The following NKAIN2 variants were observed in gnomAD, a reference collection of about 807,000 sequenced individuals.
NKAIN2 encodes the protein sodium/potassium-transporting ATPase subunit beta-1-interacting protein 2.
A neutral mutation model predicts 32.6 loss-of-function variants in NKAIN2; 14 were observed. The ratio of observed to expected loss-of-function variants is 0.43; its 90% CI spans 0.28 to 0.67. The LOEUF (loss-of-function observed/expected upper bound fraction) is 0.67. Ranked by LOEUF, NKAIN2 falls within the 30% of genes least tolerant of loss-of-function variation. The pLI, the probability that NKAIN2 is intolerant of heterozygous loss-of-function variation, is 0.17. For missense variants in NKAIN2, 198 were observed against 258.3 expected (o/e 0.77, Z 1.60); for synonymous variants, 80 against 87.2 (o/e 0.92, Z 0.46).
At chr6:124,566,302 G>A (rs188931594) in intron 3 of NKAIN2, among the ~76,000 whole-genome samples, 1 of 152,278 alleles carries the variant, frequency 6.6e-6, no homozygotes, top group East Asian at 1.9e-4. Flanking sequence ...AAGTCAGTAT[G>A]GGCCTTTATT....
intron 1 of NKAIN2, among the ~76,000 whole-genome samples, chr6:124,153,308 C>A (rs1167041779): frequency 6.6e-6 from 1 of 151,680 alleles, no homozygotes; most frequent in East Asian, 1.9e-4. Context: ...AAAAGCAGAT[C>A]TCTATGGATA....
At chr6:124,598,354 G>T (rs1782175699) in intron 3 of NKAIN2, among the ~76,000 whole-genome samples, 1 of 152,118 alleles carries the variant, frequency 6.6e-6, no homozygotes, top group Non-Finnish European at 1.5e-5. Flanking sequence ...ATCACTTCAT[G>T]AATTAATAAA....
intron 1 of NKAIN2, among the ~76,000 whole-genome samples, chr6:124,166,469 C>G (rs1280469017): frequency 1.3e-5 from 2 of 150,334 alleles, no homozygotes; most frequent in African/African-American, 2.4e-5. Flanking sequence ...TTGTAGGTTG[C>G]CTGTTCACTC....
chr6:124,044,250 G>T (rs1782015756), intron 1 of NKAIN2, among the ~76,000 whole-genome samples: 1 of 151,902 alleles, frequency 6.6e-6, no homozygotes, highest in African/African-American at 2.4e-5. Context: ...ATTAGTTTTA[G>T]GACCAAAACA....
intron 3 of NKAIN2, among the ~76,000 whole-genome samples, chr6:124,553,942 A>C (rs1262954217): frequency 6.6e-6 from 1 of 152,178 alleles, no homozygotes; most frequent in African/African-American, 2.4e-5. Context: ...GATAATTTTT[A>C]TGTGAGTCTT....
chr6:124,775,339 T>A (rs929111446), intron 4 of NKAIN2, among the ~76,000 whole-genome samples: 2 of 152,184 alleles, frequency 1.3e-5, no homozygotes, highest in Non-Finnish European at 2.9e-5. Context: ...TTTCTTGGGA[T>A]GAAGCCAGCC....
At chr6:123,926,997 A>G (rs1776033903) in intron 1 of NKAIN2, among the ~76,000 whole-genome samples, 1 of 152,180 alleles carries the variant, frequency 6.6e-6, no homozygotes, top group Non-Finnish European at 1.5e-5. Context: ...TACAGTTAAG[A>G]TATGGCAATA....
At chr6:124,111,374 G>A (rs546834303) in intron 1 of NKAIN2, among the ~76,000 whole-genome samples, 10 of 148,446 alleles carry the variant, frequency 6.7e-5, no homozygotes, top group South Asian at 6.3e-4. Flanking sequence ...TTTATATATC[G>A]AGGTGCTCTG....
At chr6:123,838,694 C>A (rs1774733609) in intron 1 of NKAIN2, among the ~76,000 whole-genome samples, 1 of 152,122 alleles carries the variant, frequency 6.6e-6, no homozygotes, top group African/African-American at 2.4e-5. Flanking sequence ...TTGGAGGGAT[C>A]ATTATGTTAA....
intron 4 of NKAIN2, among the ~76,000 whole-genome samples, chr6:124,728,038 G>C (rs1347101414): frequency 2.0e-5 from 3 of 151,638 alleles, no homozygotes; most frequent in African/African-American, 7.3e-5. Context: ...CCCAACACAG[G>C]AGCACCCGGA....
chr6:123,893,559 C>G (rs1476701855), intron 1 of NKAIN2, among the ~76,000 whole-genome samples: 1 of 152,162 alleles, frequency 6.6e-6, no homozygotes, highest in Non-Finnish European at 1.5e-5. Context: ...TCTTGTTGAT[C>G]CACTCATTTT....
At chr6:124,260,836 A>G (rs375714205) in intron 1 of NKAIN2, among the ~76,000 whole-genome samples, 48 of 152,324 alleles carry the variant, frequency 3.2e-4, no homozygotes, top group African/African-American at 1.0e-3. Flanking sequence ...ATTGAATTCT[A>G]ATTCTATAAA....
chr6:124,819,577 ATG>A (rs1160764475), intron 6 of NKAIN2, among the ~76,000 whole-genome samples: 40 of 152,266 alleles, frequency 2.6e-4, no homozygotes, highest in Middle Eastern at 3.4e-3. Flanking sequence ...TCATGCAAGT[ATG>A]ACCTGTTAAG....
chr6:124,687,293 ATTC>A (rs1773962498), intron 4 of NKAIN2, among the ~76,000 whole-genome samples: 1 of 142,806 alleles, frequency 7.0e-6, no homozygotes, highest in Non-Finnish European at 1.5e-5. Context: ...GAATATATAT[ATTC>A]TATATATAGA....
chr6:123,966,025 C>T (rs1778059638), intron 1 of NKAIN2, among the ~76,000 whole-genome samples: 1 of 152,164 alleles, frequency 6.6e-6, no homozygotes, highest in Admixed American at 6.5e-5. Context: ...CTAAGATCAA[C>T]CCTTCTAAAT....
chr6:123,845,531 C>A (rs1021272961), intron 1 of NKAIN2, among the ~76,000 whole-genome samples: 1 of 152,172 alleles, frequency 6.6e-6, no homozygotes. Context: ...TTTTATTATA[C>A]AGTTGACTCA....
intron 1 of NKAIN2, among the ~76,000 whole-genome samples, chr6:124,175,324 G>C (rs538016644): frequency 1.2e-3 from 187 of 152,156 alleles, no homozygotes; most frequent in Non-Finnish European, 2.5e-3. Flanking sequence ...GGGAAAAAAA[G>C]AACAATATTA....
chr6:124,398,126 A>G lies in NKAIN2; in HGVS notation c.273+42779A>G, dbSNP rs551319076. Among the ~76,000 whole-genome samples the G allele has an allele frequency of 2.7e-3, 401 of 151,306 alleles. 2 individuals are homozygous for G. Among genetic ancestry groups the G allele is most frequent in the African/African-American group, 6.2e-3 (257 of 41,156 alleles). On this transcript the variant is annotated intron_variant, in intron 3 of 6. Coordinates refer to ENST00000368417, the MANE Select transcript of NKAIN2 (RefSeq NM_001040214.3). ...AAATTAGCCGGGCGTGGTTGCGGGC[A>G]CCTGTAGTCCCAGCTACTCGGGAGG...
intron 1 of NKAIN2, among the ~76,000 whole-genome samples, chr6:124,261,694 G>A (rs375937363): frequency 6.6e-6 from 1 of 151,908 alleles, no homozygotes; most frequent in Non-Finnish European, 1.5e-5. Context: ...GCCCCACCTC[G>A]GCTAAAAGTC....
Sources: gnomAD v4.1 joint callset for allele counts (sites outside exome capture counted in the v4.1 genomes callset) on GRCh38, gnomAD v4.1.1 for gene constraint, MANE v1.5 for transcripts, NCBI Gene and HGNC (gene_info 2026-07-23, HGNC 2026-07-21) for gene names.